The following EEF1AKMT1 variants were observed in gnomAD, a reference collection of about 807,000 sequenced individuals.
The protein encoded by EEF1AKMT1 is N-6 adenine-specific DNA methyltransferase 2 (putative).
A neutral mutation model predicts 21.0 loss-of-function variants in EEF1AKMT1; 18 were observed. The observed-to-expected ratio is 0.86, with a 90% CI of 0.59 to 1.27. The LOEUF (loss-of-function observed/expected upper bound fraction) is 1.27, where lower values mean the gene tolerates loss of function less well. EEF1AKMT1 is among the 50% of genes most tolerant of loss of function. The pLI is 0.00. For synonymous variants in EEF1AKMT1, 109 were observed against 94.8 expected (o/e 1.15, Z -0.87); for missense variants, 246 against 258.6 (o/e 0.95, Z 0.33).
intron 3 of EEF1AKMT1, among the ~76,000 whole-genome samples, chr13:20,734,452 C>A (rs779193549): frequency 2.0e-5 from 3 of 152,040 alleles, no homozygotes; most frequent in Non-Finnish European, 4.4e-5. Flanking sequence ...TAAACTAGAG[C>A]GTGTAAGAGG....
intron 2 of EEF1AKMT1, chr13:20,747,525 G>C (rs1416312488): frequency 7.4e-6 from 1 of 134,618 alleles, no homozygotes; most frequent in African/African-American, 2.8e-5. Context: ...GAGTGCAATG[G>C]CACGATCTCA....
intron 3 of EEF1AKMT1, among the ~76,000 whole-genome samples, chr13:20,733,631 T>A (rs2058810486): frequency 6.6e-6 from 1 of 152,176 alleles, no homozygotes; most frequent in Non-Finnish European, 1.5e-5. Flanking sequence ...GTGTGAAGTA[T>A]GCTTTCATGG....
At chr13:20,766,302 A>G (rs2059031862) in intron 1 of EEF1AKMT1, among the ~76,000 whole-genome samples, 1 of 149,982 alleles carries the variant, frequency 6.7e-6, no homozygotes, top group Non-Finnish European at 1.5e-5. Context: ...CCATCTCAAA[A>G]AAAAAAAAAA....
At chr13:20,755,608 T>C (rs1220671699) in intron 2 of EEF1AKMT1, among the ~76,000 whole-genome samples, 1 of 152,238 alleles carries the variant, frequency 6.6e-6, no homozygotes, top group Non-Finnish European at 1.5e-5. Flanking sequence ...GTGTTTCCTG[T>C]CACTTCCCTG....
chr13:20,744,753 T>C (rs1018822245), intron 2 of EEF1AKMT1, among the ~76,000 whole-genome samples: 3 of 152,236 alleles, frequency 2.0e-5, no homozygotes, highest in African/African-American at 7.2e-5. Context: ...CATGAAGTCT[T>C]TGCCCATGCC....
At chr13:20,729,423 T>A (rs769385588) in intron 4 of EEF1AKMT1, among the ~76,000 whole-genome samples, 30 of 152,156 alleles carry the variant, frequency 2.0e-4, no homozygotes, top group Admixed American at 1.1e-3. Context: ...ATGTCTTTTT[T>A]ATTGAATGAA....
At chr13:20,752,349 T>C (rs955395086) in intron 2 of EEF1AKMT1, among the ~76,000 whole-genome samples, 6 of 152,124 alleles carry the variant, frequency 3.9e-5, no homozygotes, top group Non-Finnish European at 8.8e-5. Context: ...AGAGTTTTTA[T>C]CATGAAGGGA....
chr13:20,738,254 C>T (rs942679100), intron 2 of EEF1AKMT1, among the ~76,000 whole-genome samples: 5 of 152,252 alleles, frequency 3.3e-5, no homozygotes, highest in African/African-American at 1.2e-4. Context: ...CCAGACTGTG[C>T]TCCTTGCCCA....
intron 2 of EEF1AKMT1, among the ~76,000 whole-genome samples, chr13:20,740,958 T>G (rs550468123): frequency 6.6e-6 from 1 of 152,264 alleles, no homozygotes; most frequent in South Asian, 2.1e-4. Context: ...AGCTGCCTTT[T>G]TCCTTCTTTC....
Position 20,744,677 on chromosome 13 carries a change from CTTTAG to C in EEF1AKMT1, c.145-6877_145-6873del, listed in dbSNP as rs562050601. 4.6e-5 allele frequency among the ~76,000 whole-genome samples: 7 copies of C among 152,292 alleles called. No individual in the cohort carries two copies. The South Asian group carries it at 1.2e-3, about 27-fold the overall frequency. On this transcript the variant is annotated intron_variant, in intron 2 of 4. Transcript: ENST00000382758. ...TAGTTTCTTTTGCTCTGCAGAAGCTCTTTAGTTTAATTAGATCCCATTTGCCAATT... is the reference window on the plus strand; with the variant it reads ...TAGTTTCTTTTGCTCTGCAGAAGCTCTTTAATTAGATCCCATTTGCCAATT...
At position 20,732,055 on chromosome 13, in the gene EEF1AKMT1, C is replaced by A. The variant is rs375072175; in HGVS notation, c.294G>T (p.Ser98=). 1 of 1,614,000 alleles carries A rather than the reference C, an allele frequency of 6.2e-7. No individual in the cohort carries two copies. The highest frequency in any genetic ancestry group is 1.3e-5 in the African/African-American group (1 of 74,912). The part of the protein sequence containing the change: ...KLRELCRENF[S]IYIFEYDKRF... ...TTTTGTCATATTCAAAGATGTATAT[C>A]GAAAAGTTTTCTCTGCACAGCTCTC... The change falls in exon 4 of 5, where the codon TCG becomes TCT. Residue 98 remains serine, a synonymous_variant. Transcript: ENST00000382758.
chr13:20,744,367 T>A (rs1168550033), intron 2 of EEF1AKMT1, among the ~76,000 whole-genome samples: 1 of 152,232 alleles, frequency 6.6e-6, no homozygotes, highest in African/African-American at 2.4e-5. Flanking sequence ...TTTTTAATAA[T>A]CACCATTCTA....
intron 2 of EEF1AKMT1, among the ~76,000 whole-genome samples, chr13:20,739,480 G>C (rs1250531430): frequency 6.6e-6 from 1 of 152,192 alleles, no homozygotes; most frequent in Non-Finnish European, 1.5e-5. Context: ...ATTTTATAGA[G>C]AGCTGATTGG....
intron 1 of EEF1AKMT1, among the ~76,000 whole-genome samples, chr13:20,772,351 G>A (rs938108275): frequency 2.0e-5 from 3 of 152,118 alleles, no homozygotes; most frequent in African/African-American, 7.2e-5. Flanking sequence ...AGTTCTCACA[G>A]AATGAGGAGC....
chr13:20,767,237 C>T (rs983812628), intron 1 of EEF1AKMT1, among the ~76,000 whole-genome samples: 67 of 131,194 alleles, frequency 5.1e-4, no homozygotes, highest in Admixed American at 8.8e-4. Context: ...ACCCGGGAGG[C>T]GGAGCTTGCA....
intron 2 of EEF1AKMT1, among the ~76,000 whole-genome samples, chr13:20,744,113 G>A (rs1180578577): frequency 6.6e-6 from 1 of 152,150 alleles, no homozygotes; most frequent in Non-Finnish European, 1.5e-5. Context: ...CATTTGGGTT[G>A]GTTCCAAGTC....
chr13:20,750,316 G>T (rs2922800), intron 2 of EEF1AKMT1, among the ~76,000 whole-genome samples: 114,922 of 152,020 alleles, frequency 0.76, 45,047 homozygotes, highest in East Asian at 1. Flanking sequence ...TAGCTATATG[G>T]TTGTACTCAT....
At chr13:20,755,668 G>T (rs1301830227) in intron 2 of EEF1AKMT1, among the ~76,000 whole-genome samples, 2 of 152,144 alleles carry the variant, frequency 1.3e-5, no homozygotes, top group Non-Finnish European at 2.9e-5. Context: ...TGAGATTATT[G>T]GCTCAATATT....
intron 2 of EEF1AKMT1, among the ~76,000 whole-genome samples, chr13:20,743,916 A>G (rs529287972): frequency 1.6e-3 from 244 of 152,094 alleles, no homozygotes; most frequent in African/African-American, 5.6e-3. Flanking sequence ...TCATTGTTCA[A>G]TTCCCACTTA....
Sources: allele counts gnomAD v4.1 joint callset (sites outside exome capture counted in the v4.1 genomes callset), GRCh38; gene constraint gnomAD v4.1.1; transcripts MANE v1.5; gene names NCBI Gene and HGNC (gene_info 2026-07-23, HGNC 2026-07-21).